The following MDGA2 variants were observed in gnomAD, a reference collection of about 807,000 sequenced individuals.
MDGA2 encodes MAM domain containing glycosylphosphatidylinositol anchor 2.
Under a neutral mutation model 117.8 loss-of-function variants are expected in MDGA2, and 40 were observed. The ratio of observed to expected loss-of-function variants is 0.34; its 90% CI spans 0.26 to 0.44. The LOEUF is 0.44. Ranked by LOEUF, MDGA2 falls within the 20% of genes least tolerant of loss-of-function variation. The pLI is 1.00. For missense variants in MDGA2, 1,123 were observed against 1,250.6 expected, an observed-to-expected ratio of 0.90 and a Z score of 1.54; for synonymous variants, 452 against 439.0, an observed-to-expected ratio of 1.03 and a Z score of -0.37.
intron 1 of MDGA2, among the ~76,000 whole-genome samples, chr14:47,597,355 C>T (rs148557798): frequency 6.6e-5 from 10 of 152,068 alleles, no homozygotes; most frequent in Non-Finnish European, 1.5e-4. Context: ...TTCAGTAAAA[C>T]TGAAGTCAAT....
chr14:47,385,663 C>T (rs1891739984), intron 1 of MDGA2, among the ~76,000 whole-genome samples: 1 of 152,102 alleles, frequency 6.6e-6, no homozygotes, highest in South Asian at 2.1e-4. Flanking sequence ...TCCTCCCCAG[C>T]CATTAGCAAT....
chr14:47,263,379 C>T (rs1157652815), intron 2 of MDGA2, among the ~76,000 whole-genome samples: 1 of 152,018 alleles, frequency 6.6e-6, no homozygotes, highest in Admixed American at 6.6e-5. Flanking sequence ...ATTCAGGACA[C>T]AACTAAATAG....
At chr14:47,439,219 T>C (rs1342992997) in intron 1 of MDGA2, among the ~76,000 whole-genome samples, 1 of 152,120 alleles carries the variant, frequency 6.6e-6, no homozygotes, top group East Asian at 1.9e-4. Context: ...TAGCAGGTTA[T>C]ATTGAGAGAT....
chr14:47,258,197 A>G (rs1223676674), intron 2 of MDGA2, among the ~76,000 whole-genome samples: 1 of 152,146 alleles, frequency 6.6e-6, no homozygotes, highest in Non-Finnish European at 1.5e-5. Flanking sequence ...ATTTCATATT[A>G]CATGGTATAT....
At chr14:47,238,340 T>A (rs996493259) in intron 2 of MDGA2, among the ~76,000 whole-genome samples, 1 of 152,044 alleles carries the variant, frequency 6.6e-6, no homozygotes, top group African/African-American at 2.4e-5. Context: ...ATCTTGTTGA[T>A]TGCTTTATCC....
intron 14 of MDGA2, among the ~76,000 whole-genome samples, chr14:46,862,881 T>C (rs2138327126): frequency 6.6e-6 from 1 of 152,214 alleles, no homozygotes; most frequent in South Asian, 2.1e-4. Flanking sequence ...CCATTGATAT[T>C]TTTTCAACAT....
At chr14:47,665,614 T>C (rs986830110) in intron 1 of MDGA2, among the ~76,000 whole-genome samples, 1 of 152,120 alleles carries the variant, frequency 6.6e-6, no homozygotes, top group Admixed American at 6.5e-5. Context: ...TTGGCGGCCC[T>C]GCACTCGGAG....
intron 8 of MDGA2, among the ~76,000 whole-genome samples, chr14:47,019,035 C>T (rs1888189280): frequency 6.6e-6 from 1 of 152,078 alleles, no homozygotes; most frequent in African/African-American, 2.4e-5. Context: ...TTGAATTTCC[C>T]TTCATCTAGC....
At chr14:47,474,991 TTAAAC>T (rs1893807443) in intron 1 of MDGA2, among the ~76,000 whole-genome samples, 1 of 152,126 alleles carries the variant, frequency 6.6e-6, no homozygotes, top group South Asian at 2.1e-4. Context: ...TGGGGGCTAA[TTAAAC>T]TAAAGAGTTC....
chr14:47,283,517 A>G (rs1888570944), intron 2 of MDGA2, among the ~76,000 whole-genome samples: 1 of 152,242 alleles, frequency 6.6e-6, no homozygotes, highest in South Asian at 2.1e-4. Context: ...AGGAAGAAAC[A>G]TTACATGAAT....
chr14:47,660,814 T>C (rs1307587343), intron 1 of MDGA2, among the ~76,000 whole-genome samples: 9 of 152,238 alleles, frequency 5.9e-5, no homozygotes, highest in African/African-American at 1.7e-4. Context: ...CTGCAGAATA[T>C]GTAGTAGAAC....
chr14:47,101,143 A>G (rs1880299558), intron 5 of MDGA2, among the ~76,000 whole-genome samples: 1 of 151,876 alleles, frequency 6.6e-6, no homozygotes, highest in South Asian at 2.1e-4. Context: ...ATAGAAAGAA[A>G]TTGGTCCTGG....
chr14:47,025,339 T>G lies in MDGA2; in HGVS notation c.1819+9672A>C, dbSNP rs552351461. ...CTGGATTTGAGAGGAATGTTAATACTTAATAGGAAGCCATGGCTTTGAGCT... is the reference window on the plus strand; with the variant it reads ...CTGGATTTGAGAGGAATGTTAATACGTAATAGGAAGCCATGGCTTTGAGCT... On this transcript the variant is annotated intron_variant, in intron 8 of 16. Coordinates refer to ENST00000399232, the MANE Select transcript of MDGA2 (RefSeq NM_001113498.3). Among the ~76,000 whole-genome samples the G allele has an allele frequency of 2.6e-5, 4 of 152,260 alleles. No homozygotes were observed. In the South Asian group the frequency reaches 8.3e-4, roughly 32 times the overall value.
At chr14:47,599,033 G>A (rs1045033664) in intron 1 of MDGA2, among the ~76,000 whole-genome samples, 2 of 151,892 alleles carry the variant, frequency 1.3e-5, no homozygotes. Flanking sequence ...TTCAAATTAC[G>A]AATCTCGTGT....
At chr14:47,598,821 G>C (rs1019822023) in intron 1 of MDGA2, among the ~76,000 whole-genome samples, 5 of 152,078 alleles carry the variant, frequency 3.3e-5, no homozygotes, top group African/African-American at 1.2e-4. Context: ...GAATTAAAAT[G>C]ATAAACAGTA....
chr14:47,259,106 G>C (rs1471656776), intron 2 of MDGA2, among the ~76,000 whole-genome samples: 1 of 151,738 alleles, frequency 6.6e-6, no homozygotes, highest in Non-Finnish European at 1.5e-5. Context: ...TGTTTGTTTA[G>C]TGCCCTGGAG....
intron 1 of MDGA2, among the ~76,000 whole-genome samples, chr14:47,461,899 C>T (rs1893495092): frequency 6.6e-6 from 1 of 152,060 alleles, no homozygotes. Context: ...GAGTAATGTG[C>T]TTTCAGGATA....
chr14:47,468,962 T>C (rs1162641599), intron 1 of MDGA2, among the ~76,000 whole-genome samples: 1 of 152,102 alleles, frequency 6.6e-6, no homozygotes, highest in Non-Finnish European at 1.5e-5. Flanking sequence ...TTTACATGAA[T>C]GGGAAAACTC....
At chr14:47,506,055 C>T (rs1390218939) in intron 1 of MDGA2, among the ~76,000 whole-genome samples, 1 of 152,090 alleles carries the variant, frequency 6.6e-6, no homozygotes, top group Non-Finnish European at 1.5e-5. Context: ...TACAGAGTTA[C>T]TAGTGATGAC....
Sources: allele counts gnomAD v4.1 joint callset (sites outside exome capture counted in the v4.1 genomes callset), GRCh38; gene constraint gnomAD v4.1.1; transcripts MANE v1.5; gene names NCBI Gene and HGNC (gene_info 2026-07-23, HGNC 2026-07-21).